Variants in TMEM178B observed in about 807,000 individuals in gnomAD.
TMEM178B encodes transmembrane protein 178B.
Under a neutral mutation model 31.0 loss-of-function variants are expected in TMEM178B, and 5 were observed. That is an observed-to-expected ratio of 0.16 (90% CI 0.08 to 0.34). TMEM178B has a LOEUF of 0.34. TMEM178B is among the 10% of genes least tolerant of loss of function. The pLI is 1.00. For synonymous variants in TMEM178B, 164 were observed against 164.0 expected (o/e 1.00, Z 0.00); for missense variants, 275 against 400.3 (o/e 0.69, Z 2.67).
At chr7:141,222,512 T>C (rs1048618271) in intron 2 of TMEM178B, among the ~76,000 whole-genome samples, 1 of 152,192 alleles carries the variant, frequency 6.6e-6, no homozygotes, top group African/African-American at 2.4e-5. Context: ...TTAGGTAAAA[T>C]AATTCATGCA....
intron 1 of TMEM178B, among the ~76,000 whole-genome samples, chr7:141,126,084 TGTGAAATGA>T (rs1275430928): frequency 6.6e-6 from 1 of 152,142 alleles, no homozygotes; most frequent in East Asian, 1.9e-4. Context: ...GACCAGATTG[TGTGAAATGA>T]GTGATCAAAT....
At chr7:141,355,855 C>T (rs1799809656) in intron 2 of TMEM178B, among the ~76,000 whole-genome samples, 1 of 152,192 alleles carries the variant, frequency 6.6e-6, no homozygotes, top group South Asian at 2.1e-4. Flanking sequence ...CAATTCCTTT[C>T]CCAACTCCCT....
chr7:141,341,615 A>C (rs1799516998), intron 2 of TMEM178B, among the ~76,000 whole-genome samples: 1 of 152,248 alleles, frequency 6.6e-6, no homozygotes, highest in African/African-American at 2.4e-5. Flanking sequence ...CACTGCAGAC[A>C]GGCAGTGGCT....
intron 1 of TMEM178B, among the ~76,000 whole-genome samples, chr7:141,095,486 G>T (rs1794945259): frequency 1.3e-5 from 2 of 151,916 alleles, no homozygotes; most frequent in Admixed American, 1.3e-4. Context: ...TCAAACTCTT[G>T]GGAATTTTTT....
rs10240172 is a variant in TMEM178B, at chr7:141,407,107, A to G, written c.497-30501A>G. 4.6e-3 allele frequency among the ~76,000 whole-genome samples: 708 copies of G among 152,342 alleles called. 7 individuals carry two copies. The highest frequency in any genetic ancestry group is 0.027 in the Middle Eastern group (8 of 294). ...TTCCTATATTGCCTATTGTGTTTTC[A>G]TGCTACAGTGGCAGAGTTGAGTAAC... is the stretch of plus-strand genomic sequence containing the variant. On this transcript the variant is annotated intron_variant, in intron 2 of 3. Transcript: ENST00000565468.
At chr7:141,253,089 A>G (rs1001472585) in intron 2 of TMEM178B, among the ~76,000 whole-genome samples, 1 of 152,220 alleles carries the variant, frequency 6.6e-6, no homozygotes, top group Non-Finnish European at 1.5e-5. Context: ...TTTAAGGCAC[A>G]TCTTGTGCAA....
chr7:141,262,568 G>GA (rs202231657), intron 2 of TMEM178B, among the ~76,000 whole-genome samples: 7 of 145,512 alleles, frequency 4.8e-5, no homozygotes, highest in South Asian at 2.2e-4. Context: ...TGGAAAACTT[G>GA]AAAAAAAAAC....
chr7:141,131,678 A>G (rs1004913750), intron 1 of TMEM178B, among the ~76,000 whole-genome samples: 1 of 152,104 alleles, frequency 6.6e-6, no homozygotes, highest in African/African-American at 2.4e-5. Flanking sequence ...TGAACATCTC[A>G]CAGTTTGTTT....
At chr7:141,347,743 A>C (rs528986136) in intron 2 of TMEM178B, among the ~76,000 whole-genome samples, 2 of 149,424 alleles carry the variant, frequency 1.3e-5, no homozygotes, top group South Asian at 2.1e-4. Context: ...CTGTCTCCTC[A>C]TCTGTCTCCT....
chr7:141,178,710 A>G (rs1309209238), intron 1 of TMEM178B, among the ~76,000 whole-genome samples: 2 of 152,212 alleles, frequency 1.3e-5, no homozygotes, highest in Admixed American at 1.3e-4. Flanking sequence ...GAATGGCCCC[A>G]GGTTGTTCTG....
intron 3 of TMEM178B, among the ~76,000 whole-genome samples, chr7:141,439,541 G>A (rs1371676745): frequency 6.6e-6 from 1 of 151,976 alleles, no homozygotes; most frequent in Non-Finnish European, 1.5e-5. Context: ...AAGCTTTTTT[G>A]GTTTTCCTTT....
chr7:141,425,454 C>T (rs1801295443), intron 2 of TMEM178B, among the ~76,000 whole-genome samples: 1 of 152,226 alleles, frequency 6.6e-6, no homozygotes, highest in Non-Finnish European at 1.5e-5. Flanking sequence ...CCTAGTTTGT[C>T]TTCATCAGTA....
chr7:141,452,687 G>T (rs1376044692), intron 3 of TMEM178B, among the ~76,000 whole-genome samples: 1 of 152,062 alleles, frequency 6.6e-6, no homozygotes, highest in African/African-American at 2.4e-5. Flanking sequence ...TTGACATAGT[G>T]CTGCTTACCC....
At chr7:141,369,616 C>T (rs1354534812) in intron 2 of TMEM178B, among the ~76,000 whole-genome samples, 5 of 152,152 alleles carry the variant, frequency 3.3e-5, no homozygotes, top group East Asian at 1.9e-4. Context: ...ACCTCCACCC[C>T]GCGTTCCTAA....
chr7:141,157,950 G>T (rs996118412), intron 1 of TMEM178B, among the ~76,000 whole-genome samples: 1 of 152,020 alleles, frequency 6.6e-6, no homozygotes, highest in Non-Finnish European at 1.5e-5. Context: ...CCCCTGCCTG[G>T]TGCATCTTTT....
chr7:141,151,481 A>G (rs1795971859), intron 1 of TMEM178B, among the ~76,000 whole-genome samples: 2 of 151,864 alleles, frequency 1.3e-5, no homozygotes, highest in Non-Finnish European at 2.9e-5. Context: ...CAGGTTGCCT[A>G]TTTTCCATGA....
chr7:141,144,580 C>T (rs975763935), intron 1 of TMEM178B, among the ~76,000 whole-genome samples: 3 of 152,102 alleles, frequency 2.0e-5, no homozygotes, highest in Non-Finnish European at 4.4e-5. Context: ...CAGACACAAA[C>T]GATGCTGGGA....
At position 141,344,617 on chromosome 7, in the gene TMEM178B, TTCCTTCC is replaced by T. The variant is rs1799585447; in HGVS notation, c.497-92989_497-92983del. Among the ~76,000 whole-genome samples the T allele has an allele frequency of 6.7e-6, 1 of 148,942 alleles. No homozygotes were observed. Among genetic ancestry groups the T allele is most frequent in the Non-Finnish European group, 1.5e-5 (1 of 67,278 alleles). On this transcript the variant is annotated intron_variant, in intron 2 of 3. Transcript: ENST00000565468. This position sits in a 1 kb window ranked among gnomAD's most constrained non-coding sequence, Gnocchi z 4.1. Reference sequence around the variant, plus strand: ...CTTCCTTCCTTCCTTCCTTCCTTCCTTCCTTCCTTCCTCCCTTCCTTCTTCCCTTCAT... The same window carrying T: ...CTTCCTTCCTTCCTTCCTTCCTTCCTTTCCTCCCTTCCTTCTTCCCTTCAT...
chr7:141,324,416 G>GTTGTTT (rs1799151207), intron 2 of TMEM178B, among the ~76,000 whole-genome samples: 3 of 85,740 alleles, frequency 3.5e-5, no homozygotes, highest in African/African-American at 8.1e-5. Context: ...GGAGACCAGG[G>GTTGTTT]TTTTTTTTTT....
Sources: gnomAD v4.1 joint callset for allele counts (sites outside exome capture counted in the v4.1 genomes callset) on GRCh38, gnomAD v4.1.1 for gene constraint, Gnocchi (gnomAD v3.1) non-coding constraint, MANE v1.5 for transcripts, NCBI Gene and HGNC (gene_info 2026-07-23, HGNC 2026-07-21) for gene names.